KBTBD11: variants seen among roughly 807,000 people sequenced by gnomAD.
KBTBD11 encodes the protein kelch repeat and BTB domain-containing protein 11.
For synonymous variants in KBTBD11, 747 were observed against 499.0 expected (o/e 1.50, Z -6.63); for missense variants, 1,390 against 1,001.8 (o/e 1.39, Z -5.23).
Position 2,002,701 on chromosome 8 carries a change from C to T in KBTBD11, c.1509C>T (p.Tyr503=), listed in dbSNP as rs369034947. Residue 503 remains tyrosine (Y), a synonymous_variant, in exon 2 of 2, where the codon TAC becomes TAT. Coordinates refer to ENST00000320248, the MANE Select transcript of KBTBD11 (RefSeq NM_014867.3). This position sits in a 1 kb window ranked among gnomAD's most constrained non-coding sequence, Gnocchi z 4.1. Reference sequence around the variant, plus strand: ...TGGTGGCTCTCGACGGCTTCATCTACCGCTTCGATCTGAGCGGCAGCCGCG... The same window carrying T: ...TGGTGGCTCTCGACGGCTTCATCTATCGCTTCGATCTGAGCGGCAGCCGCG... The part of the protein sequence containing the change: ...ADMVALDGFI[Y]RFDLSGSRGE... The T allele has an allele frequency of 8.2e-4, 1,264 of 1,545,108 alleles. 2 individuals are homozygous for T. Among genetic ancestry groups the T allele is most frequent in the Admixed American group, 1.3e-3 (66 of 52,692 alleles).
At chr8:1,974,819 C>G (rs1816273209) in intron 1 of KBTBD11, 2 of 402,668 alleles carry the variant, frequency 5.0e-6, no homozygotes, top group Admixed American at 1.3e-4. Context: ...TCCACCCACT[C>G]CAGTGTCTAT....
chr8:2,002,338 C>G lies in KBTBD11; in HGVS notation c.1146C>G (p.Val382=). The change falls in exon 2 of 2, where the codon GTC becomes GTG. Residue 382 remains valine (V), a synonymous_variant. Transcript: ENST00000320248. The surrounding 1 kb of genome is among the most constrained non-coding windows in gnomAD (Gnocchi z 4.1). The part of the protein sequence containing the change: ...PDGRARPSDQ[V]FCYNPATDSW... ...GCCGCGCGCGCCCGTCCGACCAGGT[C>G]TTCTGCTACAACCCGGCCACGGACA... is the stretch of plus-strand genomic sequence containing the variant. 1 of 1,453,050 alleles carries G rather than the reference C, an allele frequency of 6.9e-7. No homozygotes were observed. The highest frequency in any genetic ancestry group is 9.0e-7 in the Non-Finnish European group (1 of 1,107,936). The allele number at this position is 1,453,050 out of a possible 1,614,324, so 90.0% of individuals were successfully genotyped here.
chr8:1,976,035 C>T (rs931392420), intron 1 of KBTBD11: 1 of 152,132 alleles, frequency 6.6e-6, no homozygotes, highest in African/African-American at 2.4e-5. Flanking sequence ...GCACAGATTG[C>T]TCAGTAATAA....
chr8:1,982,061 ATGT>A (rs1816557247), intron 1 of KBTBD11, among the ~76,000 whole-genome samples: 1 of 152,230 alleles, frequency 6.6e-6, no homozygotes, highest in South Asian at 2.1e-4. Context: ...CTATGGTAAT[ATGT>A]TAAGGGATAT....
rs754102011 is a variant in KBTBD11, at chr8:1,991,593, G to A, written c.-908-8692G>A. On this transcript the variant is annotated intron_variant, in intron 1 of 1. Coordinates refer to ENST00000320248, the MANE Select transcript of KBTBD11 (RefSeq NM_014867.3). ...TGCTCCTGCATCAGCCCAGAGGCCC[G>A]TGCATCGCCAGAGGCTTTGCTCTCC... Among the ~76,000 whole-genome samples the A allele has an allele frequency of 4.0e-5, 6 of 151,492 alleles. 1 individual carries two copies. The highest frequency in any genetic ancestry group is 2.6e-4 in the Admixed American group (4 of 15,272).
At chr8:1,986,211 AT>A (rs1024574710) in intron 1 of KBTBD11, among the ~76,000 whole-genome samples, 3 of 152,186 alleles carry the variant, frequency 2.0e-5, no homozygotes, top group African/African-American at 7.2e-5. Flanking sequence ...AAAGCAGCCA[AT>A]GGTCATTGTT....
intron 1 of KBTBD11, among the ~76,000 whole-genome samples, chr8:1,982,786 AG>A (rs1816583294): frequency 6.6e-6 from 1 of 150,648 alleles, no homozygotes; most frequent in South Asian, 2.1e-4. Flanking sequence ...TGTGTCACCC[AG>A]GCTGGAGTGC....
Position 2,002,180 on chromosome 8 carries a change from T to C in KBTBD11, c.988T>C (p.Phe330Leu). 1 of 1,244,176 alleles carries C rather than the reference T, an allele frequency of 8.0e-7. No individual in the cohort carries two copies. The highest frequency in any genetic ancestry group is 1.0e-6 in the Non-Finnish European group (1 of 996,628). The allele number at this position is 1,244,176 out of a possible 1,614,324, so 77.1% of individuals were successfully genotyped here. Residue 330 changes from phenylalanine (F) to leucine (L), a missense_variant, in exon 2 of 2, where the codon TTC becomes CTC. Transcript: ENST00000320248. The surrounding 1 kb of genome is among the most constrained non-coding windows in gnomAD (Gnocchi z 4.1). Reference protein sequence around the residue: ...DARGDAAVYCFHAAAGEWREL... With the variant: ...DARGDAAVYCLHAAAGEWREL... The stretch of plus-strand genomic sequence containing the variant: ...GCGCGGGGACGCGGCCGTCTACTGC[T>C]TCCACGCGGCGGCCGGAGAGTGGCG...
At chr8:1,974,112 AGG>A (rs1563357669) in intron 1 of KBTBD11, 177 bp downstream of exon 1, 34,211 of 78,318 alleles carry the variant, frequency 0.44, 5,484 homozygotes, top group Middle Eastern at 0.53. Flanking sequence ...CCGGCAGGGG[AGG>A]GAGGGGAGCG....
intron 1 of KBTBD11, chr8:1,975,815 G>A (rs769848095): frequency 6.6e-6 from 1 of 152,208 alleles, no homozygotes; most frequent in Non-Finnish European, 1.5e-5. Flanking sequence ...GAAGAATCCG[G>A]AAAGGTGGTT....
rs1025684662 is a variant in KBTBD11, at chr8:2,004,562, T to C, written c.*1498T>C. ...AAAATAGGTTATGCTTTTTAAAGAG[T>C]CTGTGGTTATGAGAGGTCTCAGTTA... On this transcript the variant is annotated 3_prime_UTR_variant, in exon 2 of 2. Transcript: ENST00000320248. 2 of 166,964 alleles carry C rather than the reference T, an allele frequency of 1.2e-5. No individual in the cohort carries two copies. The highest frequency in any genetic ancestry group is 4.8e-5 in the African/African-American group (2 of 41,378). 10.3% of individuals were successfully genotyped at this position (166,964 alleles called of 1,614,324 possible).
At chr8:1,985,419 C>T (rs903574188) in intron 1 of KBTBD11, among the ~76,000 whole-genome samples, 5 of 152,378 alleles carry the variant, frequency 3.3e-5, no homozygotes, top group Non-Finnish European at 5.9e-5. Flanking sequence ...TCGGGAATTC[C>T]GAACACTGGA....
intron 1 of KBTBD11, among the ~76,000 whole-genome samples, chr8:1,991,895 C>G (rs904320099): frequency 6.6e-6 from 1 of 152,076 alleles, no homozygotes; most frequent in African/African-American, 2.4e-5. Context: ...TTCCAAACAC[C>G]TTGACCTTCC....
intron 1 of KBTBD11, among the ~76,000 whole-genome samples, chr8:1,979,829 C>T (rs978767153): frequency 1.8e-4 from 27 of 152,358 alleles, no homozygotes; most frequent in African/African-American, 6.5e-4. Flanking sequence ...GGACAGGGCT[C>T]GGGCCTCATC....
chr8:1,988,726 C>T (rs1164888008), intron 1 of KBTBD11, among the ~76,000 whole-genome samples: 1 of 152,238 alleles, frequency 6.6e-6, no homozygotes, highest in African/African-American at 2.4e-5. Context: ...TGCACTGAGG[C>T]TTGAGCCCCA....
chr8:1,977,321 G>A (rs1278652624), intron 1 of KBTBD11, among the ~76,000 whole-genome samples: 4 of 152,108 alleles, frequency 2.6e-5, no homozygotes, highest in African/African-American at 7.2e-5. Context: ...CCACGGTGCC[G>A]ATGTTAGCTG....
intron 1 of KBTBD11, among the ~76,000 whole-genome samples, chr8:1,982,143 T>G (rs1485918414): frequency 4.6e-5 from 7 of 152,228 alleles, no homozygotes; most frequent in African/African-American, 1.4e-4. Flanking sequence ...GTTAAAAGTA[T>G]AGAGTTATTT....
intron 1 of KBTBD11, 145 bp from the exon 2 acceptor site, chr8:2,000,140 A>G (rs984798426): frequency 6.6e-6 from 1 of 152,228 alleles, no homozygotes; most frequent in Admixed American, 6.5e-5. Context: ...CAAACTCTCC[A>G]GCAGAGAAAA....
intron 1 of KBTBD11, 50 bp downstream of exon 1, chr8:1,973,985 G>A (rs1233067511): frequency 1.0e-6 from 1 of 967,246 alleles, no homozygotes; most frequent in African/African-American, 1.8e-5. Flanking sequence ...GGCGGAGCGG[G>A]AAGCAGCCCG....
Sources: allele counts gnomAD v4.1 joint callset (sites outside exome capture counted in the v4.1 genomes callset), GRCh38; gene constraint gnomAD v4.1.1; non-coding constraint Gnocchi (gnomAD v3.1); transcripts MANE v1.5; gene names NCBI Gene and HGNC (gene_info 2026-07-23, HGNC 2026-07-21).